UPF2: variants seen among roughly 807,000 people sequenced by gnomAD.
UPF2 encodes regulator of nonsense transcripts 2.
A neutral mutation model predicts 141.4 loss-of-function variants in UPF2; 17 were observed. The observed-to-expected ratio is 0.12, with a 90% CI of 0.08 to 0.18. UPF2 has a LOEUF of 0.18. Among genes scored for constraint, UPF2 ranks in the 10% least tolerant of loss-of-function variants. The pLI is 1.00. For missense variants in UPF2, 1,152 were observed against 1,515.9 expected, an observed-to-expected ratio of 0.76 and a Z score of 3.99; for synonymous variants, 540 against 498.0, an observed-to-expected ratio of 1.08 and a Z score of -1.12.
chr10:12,013,346 G>A lies in UPF2; in HGVS notation c.1306+678C>T, dbSNP rs1834164877. Among the ~76,000 whole-genome samples the A allele has an allele frequency of 2.7e-5, 4 of 147,242 alleles. No individual in the cohort carries two copies. In the South Asian group the frequency reaches 6.5e-4, roughly 24 times the overall value. On this transcript the variant is annotated intron_variant, in intron 4 of 21. Transcript: ENST00000357604. ...GGCTGGAGTGCAGTGGCACAATCTCGGCTCACTGCAACTTCTGCCTGCCAG... is the reference window on the plus strand; with the variant it reads ...GGCTGGAGTGCAGTGGCACAATCTCAGCTCACTGCAACTTCTGCCTGCCAG...
intron 8 of UPF2, among the ~76,000 whole-genome samples, chr10:11,997,412 A>ATTC (rs1009041843): frequency 6.6e-6 from 1 of 152,074 alleles, no homozygotes; most frequent in South Asian, 2.1e-4. Context: ...GCTTCTAGCA[A>ATTC]TTCTTCTTCT....
rs1043021603 is a variant in UPF2, at chr10:11,931,506, A to G, written c.3688+135T>C. 6.1e-6 allele frequency: 6 copies of G among 979,532 alleles called. No homozygotes were observed. The Admixed American group carries it at 1.0e-4, about 17-fold the overall frequency. 60.7% of individuals were successfully genotyped at this position (979,532 alleles called of 1,614,324 possible). On this transcript the variant is annotated intron_variant, in intron 20 of 21. Transcript: ENST00000357604. The surrounding 1 kb of genome is among the most constrained non-coding windows in gnomAD (Gnocchi z 5.9). ...TTGTTATTTTACAAATAAGTGAAAG[A>G]AAAACAGTGGGATACAAAATGAATT...
At position 11,963,944 on chromosome 10, in the gene UPF2, T is replaced by C; in HGVS notation, c.2184+65A>G. 2.5e-6 allele frequency: 3 copies of C among 1,193,098 alleles called. No homozygotes were observed. The East Asian group carries it at 7.1e-5, about 28-fold the overall frequency. 73.9% of individuals were successfully genotyped at this position (1,193,098 alleles called of 1,614,324 possible). A position where few individuals can be genotyped will look rare whatever the true frequency, so the allele number is the denominator to read the frequency against. ...AAGATAACCAGCACTGGTCAATATTTTCAACCTCTGAAGCACAGGTAAATC... is the reference window on the plus strand; with the variant it reads ...AAGATAACCAGCACTGGTCAATATTCTCAACCTCTGAAGCACAGGTAAATC... On this transcript the variant is annotated intron_variant, in intron 11 of 21. Coordinates refer to ENST00000357604, the MANE Select transcript of UPF2 (RefSeq NM_015542.4).
chr10:12,025,407 T>C lies in UPF2; in HGVS notation c.1145+3338A>G, dbSNP rs558843245. On this transcript the variant is annotated intron_variant, in intron 3 of 21. Transcript: ENST00000357604. ...CTCTACTAAAAATACAAAAATTAGC[T>C]GGGTGTAGCAGCGCAGGCCTGTAAT... is the stretch of plus-strand genomic sequence containing the variant. Among the ~76,000 whole-genome samples the C allele has an allele frequency of 8.0e-4, 122 of 152,010 alleles. 1 individual carries two copies. Among genetic ancestry groups the C allele is most frequent in the Non-Finnish European group, 1.2e-3 (82 of 68,012 alleles).
chr10:12,029,823 G>A (rs538097594), intron 2 of UPF2, among the ~76,000 whole-genome samples: 1 of 152,098 alleles, frequency 6.6e-6, no homozygotes, highest in Non-Finnish European at 1.5e-5. Context: ...TTAGCTGGGC[G>A]TGATGGCGCT....
chr10:12,007,331 T>G (rs12761723), intron 4 of UPF2, among the ~76,000 whole-genome samples: 1 of 152,218 alleles, frequency 6.6e-6, no homozygotes, highest in African/African-American at 2.4e-5. Flanking sequence ...GAGAATGTAA[T>G]GCATCTGACA....
chr10:12,039,064 A>C (rs1834687277), intron 1 of UPF2, among the ~76,000 whole-genome samples: 1 of 152,228 alleles, frequency 6.6e-6, no homozygotes, highest in South Asian at 2.1e-4. Flanking sequence ...TAAAGCAAGC[A>C]AACTTTCAAA....
At position 11,954,643 on chromosome 10, in the gene UPF2, A is replaced by AAAAAT. The variant is rs1439199969; in HGVS notation, c.2850+588_2850+589insATTTT. On this transcript the variant is annotated intron_variant, in intron 14 of 21. Transcript: ENST00000357604. ...AGCAAGACTTACTCTCAAAAAAAAAAATATATATATATATATATACATATA... is the reference window on the plus strand; with the variant it reads ...AGCAAGACTTACTCTCAAAAAAAAAAAAAATATATATATATATATATATACATATA... Among the ~76,000 whole-genome samples the AAAAAT allele has an allele frequency of 4.7e-5, 6 of 128,352 alleles. No homozygotes were observed. The East Asian group carries it at 6.4e-4, about 14-fold the overall frequency. The allele number at this position is 128,352 out of a possible 152,430, so 84.2% of individuals were successfully genotyped here. A position where few individuals can be genotyped will look rare whatever the true frequency, so the allele number is the denominator to read the frequency against.
chr10:11,972,276 A>G (rs1833431825), intron 9 of UPF2, among the ~76,000 whole-genome samples: 1 of 152,174 alleles, frequency 6.6e-6, no homozygotes, highest in Admixed American at 6.6e-5. Context: ...GTTTTACATG[A>G]AGTTTATTCA....
chr10:12,041,667 T>C (rs1834736391), intron 1 of UPF2, among the ~76,000 whole-genome samples: 1 of 152,208 alleles, frequency 6.6e-6, no homozygotes, highest in Non-Finnish European at 1.5e-5. Context: ...TTCAAAATGC[T>C]GTCAGGACAG....
rs775850427 is a variant in UPF2, at chr10:11,959,274, T to C, written c.2267A>G (p.Asn756Ser). ...CACGGTTTTTTCAGCTGGAGGTGGG[T>C]TGCAGTAGTAATATGCATTCTCTAC... ...TMVENAYYYC[N>S]PPPAEKTVKK... Residue 756 changes from asparagine to serine, a missense_variant, in exon 12 of 22, where the codon AAC becomes AGC. Physicochemically the swap from Asn to Ser is conservative, Grantham distance 46. Coordinates refer to ENST00000357604, the MANE Select transcript of UPF2 (RefSeq NM_015542.4). This position sits in a 1 kb window ranked among gnomAD's most constrained non-coding sequence, Gnocchi z 5.9. 6.0e-5 allele frequency: 96 copies of C among 1,613,400 alleles called. 2 individuals are homozygous for C. The highest frequency in any genetic ancestry group is 5.6e-4 in the South Asian group (51 of 91,006).
chr10:11,942,339 C>T (rs1564339034), intron 18 of UPF2, among the ~76,000 whole-genome samples: 1 of 152,008 alleles, frequency 6.6e-6, no homozygotes, highest in Non-Finnish European at 1.5e-5. Flanking sequence ...TGCCACTGCA[C>T]TCCAGCCTGG....
intron 8 of UPF2, 130 bp downstream of exon 8, chr10:11,997,542 G>A: frequency 1.5e-6 from 1 of 657,736 alleles, no homozygotes; most frequent in Middle Eastern, 4.7e-4. Context: ...TAAAAAATAT[G>A]CTAATAATGC....
intron 21 of UPF2, among the ~76,000 whole-genome samples, chr10:11,926,358 G>T (rs978451396): frequency 6.6e-5 from 10 of 152,308 alleles, no homozygotes; most frequent in African/African-American, 2.4e-4. Flanking sequence ...GAAAATGTGA[G>T]ATCTGGGCTG....
At chr10:12,039,444 G>A (rs1834694524) in intron 1 of UPF2, among the ~76,000 whole-genome samples, 1 of 151,998 alleles carries the variant, frequency 6.6e-6, no homozygotes, top group African/African-American at 2.4e-5. Context: ...AAACATATGG[G>A]GACAATTTAA....
At chr10:11,960,559 C>A (rs1833224001) in intron 11 of UPF2, among the ~76,000 whole-genome samples, 1 of 150,258 alleles carries the variant, frequency 6.7e-6, no homozygotes, top group Admixed American at 6.6e-5. Context: ...TGGAGTGAGA[C>A]CCCACCTCTA....
intron 4 of UPF2, among the ~76,000 whole-genome samples, chr10:12,006,715 T>C (rs1834040917): frequency 6.6e-6 from 1 of 152,136 alleles, no homozygotes; most frequent in Non-Finnish European, 1.5e-5. Context: ...ATATAGAGCA[T>C]AGTATAATGA....
At position 12,004,719 on chromosome 10, in the gene UPF2, G is replaced by C. The variant is rs537667234; in HGVS notation, c.1315C>G (p.Pro439Ala). Residue 439 changes from proline (P) to alanine (A), a missense_variant, in exon 5 of 22, where the codon CCT becomes GCT. Around this residue, in one of 4 missense-constraint regions of UPF2, gnomAD observed 739 missense variants for 1,032.2 expected, o/e 0.72. Transcript: ENST00000357604. ...CCAGGTGTGAATATATCAATTCCAG[G>C]CCCATGTTCTACAATAAAATAAATC... Reference protein sequence around the residue: ...QDKPTPEEHGPGIDIFTPGKP... With the variant: ...QDKPTPEEHGAGIDIFTPGKP... The C allele has an allele frequency of 6.2e-7, 1 of 1,611,596 alleles. No individual in the cohort carries two copies. The highest frequency in any genetic ancestry group is 1.1e-5 in the South Asian group (1 of 90,370).
chr10:11,924,902 C>A (rs1832692339), intron 21 of UPF2, among the ~76,000 whole-genome samples: 1 of 152,144 alleles, frequency 6.6e-6, no homozygotes, highest in South Asian at 2.1e-4. Context: ...TCACTGCAAC[C>A]TCACCTCCCA....
Sources: allele counts gnomAD v4.1 joint callset (sites outside exome capture counted in the v4.1 genomes callset), GRCh38; gene constraint gnomAD v4.1.1; regional missense constraint gnomAD v4.1.1; non-coding constraint Gnocchi (gnomAD v3.1); transcripts MANE v1.5; gene names NCBI Gene and HGNC (gene_info 2026-07-23, HGNC 2026-07-21).